PRSS23: variants seen among roughly 807,000 people sequenced by gnomAD.
PRSS23 encodes protease, serine 23.
PRSS23 carries 25 observed loss-of-function variants against 34.7 expected under a neutral mutation model. That is an observed-to-expected ratio of 0.72 (90% CI 0.53 to 1.01). The LOEUF (loss-of-function observed/expected upper bound fraction) is 1.01, where lower values mean the gene tolerates loss of function less well. PRSS23 is among the 50% of genes least tolerant of loss of function. The pLI, the probability that PRSS23 is intolerant of heterozygous loss-of-function variation, is 0.00. For synonymous variants in PRSS23, 176 were observed against 186.6 expected (o/e 0.94, Z 0.46); for missense variants, 445 against 475.6 (o/e 0.94, Z 0.60).
chr11:86,895,477 C>CT (rs71040269), intron 2 of PRSS23, among the ~76,000 whole-genome samples: 39,984 of 86,602 alleles, frequency 0.46, 10,493 homozygotes, highest in East Asian at 0.66. Context: ...TTATTTTATC[C>CT]TTTTTTTTTT....
upstream of PRSS23, chr11:86,800,498 G>T (rs1337894741): frequency 2.0e-6 from 2 of 984,226 alleles, no homozygotes; most frequent in Middle Eastern, 5.2e-4. Flanking sequence ...GGGTGGCGCG[G>T]GGGGCGGACC....
At chr11:86,815,780 C>G (rs138934380), downstream of PRSS23, among the ~76,000 whole-genome samples, 60 of 152,212 alleles carry the variant, frequency 3.9e-4, no homozygotes, top group Non-Finnish European at 7.2e-4. Context: ...GACATAGATC[C>G]TCTCCCACAT....
intron 2 of PRSS23, among the ~76,000 whole-genome samples, chr11:86,880,973 G>T (rs1262912558): frequency 6.6e-6 from 1 of 152,162 alleles, no homozygotes; most frequent in Non-Finnish European, 1.5e-5. Flanking sequence ...TACGCAATAT[G>T]ATGTCATCCA....
chr11:86,947,820 G>C (rs1207320972), intron 2 of PRSS23: 1 of 152,284 alleles, frequency 6.6e-6, no homozygotes. Context: ...AAGGAGGTTG[G>C]ACAGAGGTGC....
intron 2 of PRSS23, among the ~76,000 whole-genome samples, chr11:86,879,518 C>T (rs1373281450): frequency 1.6e-5 from 2 of 128,142 alleles, no homozygotes; most frequent in African/African-American, 3.0e-5. Flanking sequence ...GCCCCCCACC[C>T]GGCCAGCCGC....
In PRSS23 at chr11:86,867,874, C is replaced by CAAAAAAAAAAAAAAAAA. The variant is rs11352878; in HGVS notation, c.206+44282_206+44298dup. 2.4e-3 allele frequency among the ~76,000 whole-genome samples: 279 copies of CAAAAAAAAAAAAAAAAA among 118,190 alleles called. 12 individuals are homozygous for CAAAAAAAAAAAAAAAAA. Among genetic ancestry groups the CAAAAAAAAAAAAAAAAA allele is most frequent in the African/African-American group, 7.8e-3 (221 of 28,206 alleles). 77.5% of individuals were successfully genotyped at this position (118,190 alleles called of 152,430 possible). A position where few individuals can be genotyped will look rare whatever the true frequency, so the allele number is the denominator to read the frequency against. Reference sequence around the variant, plus strand: ...CCAGTGACAGAGTGAGACCCTACCTCAAAAAAAAAAAAAAAAATACAACAG... The same window carrying CAAAAAAAAAAAAAAAAA: ...CCAGTGACAGAGTGAGACCCTACCTCAAAAAAAAAAAAAAAAAAAAAAAAAAAAAAAAAATACAACAG... On this transcript the variant is annotated intron_variant, in intron 2 of 2. Transcript: ENST00000533902.
At chr11:86,794,044 A>C (rs1428909270) in intron 1 of PRSS23, among the ~76,000 whole-genome samples, 1 of 152,152 alleles carries the variant, frequency 6.6e-6, no homozygotes, top group African/African-American at 2.4e-5. Context: ...GTAAAGGAGA[A>C]ACCTCATAAA....
chr11:86,929,347 C>A (rs909494242), intron 2 of PRSS23, among the ~76,000 whole-genome samples: 121 of 147,084 alleles, frequency 8.2e-4, no homozygotes, highest in Middle Eastern at 3.7e-3. Context: ...AAAAAAAAAA[C>A]CCCACAAACT....
intron 2 of PRSS23, among the ~76,000 whole-genome samples, chr11:86,842,581 T>A (rs1405130061): frequency 6.6e-6 from 1 of 152,180 alleles, no homozygotes; most frequent in Non-Finnish European, 1.5e-5. Context: ...TTCAGCAAAG[T>A]CTCAGGATAC....
chr11:86,891,535 G>T (rs894279713), intron 2 of PRSS23, among the ~76,000 whole-genome samples: 5 of 152,154 alleles, frequency 3.3e-5, no homozygotes, highest in African/African-American at 1.2e-4. Context: ...GGAGTCATTA[G>T]CTCAGGTAAT....
At chr11:86,822,867 TTTCC>T (rs1415347260) in intron 1 of PRSS23, among the ~76,000 whole-genome samples, 1 of 152,160 alleles carries the variant, frequency 6.6e-6, no homozygotes, top group Non-Finnish European at 1.5e-5. Context: ...AAAATCGGTG[TTTCC>T]TTCTGCCTCT....
chr11:86,952,802 C>T (rs1197067848), exon 3 of PRSS23: 1 of 188,436 alleles, frequency 5.3e-6, no homozygotes, highest in East Asian at 1.3e-4. Context: ...CAATCTCCTT[C>T]CATTTTAGAA....
intron 2 of PRSS23, among the ~76,000 whole-genome samples, chr11:86,944,440 A>G (rs1163771063): frequency 6.7e-6 from 1 of 150,024 alleles, no homozygotes; most frequent in Non-Finnish European, 1.5e-5. Context: ...AACAAAAACA[A>G]AAGAAAACCC....
intron 2 of PRSS23, among the ~76,000 whole-genome samples, chr11:86,871,629 G>A (rs372788449): frequency 1.3e-5 from 2 of 152,168 alleles, no homozygotes; most frequent in Non-Finnish European, 2.9e-5. Context: ...TTTCTCTTCT[G>A]TTAAGCCTCA....
At chr11:86,817,862 G>C (rs1368382220) in intron 1 of PRSS23, among the ~76,000 whole-genome samples, 1 of 152,198 alleles carries the variant, frequency 6.6e-6, no homozygotes, top group Non-Finnish European at 1.5e-5. Context: ...TCAGAGAGGG[G>C]CTAATTGAAG....
In PRSS23 at chr11:86,807,635, G is replaced by A. The variant is rs1948116989; in HGVS notation, c.-9G>A. 6.2e-7 allele frequency: 1 copy of A among 1,602,852 alleles called. No homozygotes were observed. Among genetic ancestry groups the A allele is most frequent in the Non-Finnish European group, 8.5e-7 (1 of 1,173,646 alleles). On this transcript the variant is annotated 5_prime_UTR_variant, in exon 2 of 2. In the 5' UTR this introduces an upstream ATG that the reference lacks. Transcript: ENST00000280258. ...TGCTTGTCTTTGTTTCTACAGAACAGTGCTCGGCATGGCAGGGATTCCAGG... is the reference window on the plus strand; with the variant it reads ...TGCTTGTCTTTGTTTCTACAGAACAATGCTCGGCATGGCAGGGATTCCAGG...
At chr11:86,900,826 C>T (rs1478604022) in intron 2 of PRSS23, among the ~76,000 whole-genome samples, 4 of 140,816 alleles carry the variant, frequency 2.8e-5, no homozygotes, top group Admixed American at 7.3e-5. Context: ...GCTCTGTCGC[C>T]CAGGCTGGAG....
intron 2 of PRSS23, among the ~76,000 whole-genome samples, chr11:86,835,418 T>C (rs2134895652): frequency 6.6e-6 from 1 of 152,352 alleles, no homozygotes; most frequent in African/African-American, 2.4e-5. Context: ...GTTTTTTCTG[T>C]GACATATAAA....
chr11:86,823,246 TAAAA>T (rs11402135), intron 1 of PRSS23: 3 of 610,394 alleles, frequency 4.9e-6, no homozygotes, highest in African/African-American at 3.7e-5. Flanking sequence ...AAAAGCATCA[TAAAA>T]AAAAATGTAT....
Sources: gnomAD v4.1 joint callset for allele counts (sites outside exome capture counted in the v4.1 genomes callset) on GRCh38, gnomAD v4.1.1 for gene constraint, MANE v1.5 for transcripts, NCBI Gene and HGNC (gene_info 2026-07-23, HGNC 2026-07-21) for gene names.